The following HTR4 variants were observed in gnomAD, a reference collection of about 807,000 sequenced individuals.
The protein encoded by HTR4 is 5-hydroxytryptamine receptor 4, also known as 5-hydroxytryptamine (serotonin) receptor 4, G protein-coupled.
Under a neutral mutation model 36.8 loss-of-function variants are expected in HTR4, and 16 were observed. The ratio of observed to expected loss-of-function variants is 0.43; its 90% CI spans 0.29 to 0.66. The LOEUF (loss-of-function observed/expected upper bound fraction) is 0.66. HTR4 is among the 30% of genes least tolerant of loss of function. The pLI is 0.13. For synonymous variants in HTR4, 189 were observed against 185.1 expected, an observed-to-expected ratio of 1.02 and a Z score of -0.17; for missense variants, 438 against 490.9, an observed-to-expected ratio of 0.89 and a Z score of 1.02.
At chr5:148,616,174 C>G (rs1239630850) in intron 2 of HTR4, among the ~76,000 whole-genome samples, 1 of 152,150 alleles carries the variant, frequency 6.6e-6, no homozygotes, top group African/African-American at 2.4e-5. Context: ...AGGGTTAGTG[C>G]TTTTTGACAC....
At chr5:148,595,470 C>T (rs975276830) in intron 2 of HTR4, among the ~76,000 whole-genome samples, 6 of 152,100 alleles carry the variant, frequency 3.9e-5, no homozygotes, top group African/African-American at 7.2e-5. Flanking sequence ...CTCTTCTTGA[C>T]GAGACTGATA....
intron 5 of HTR4, among the ~76,000 whole-genome samples, chr5:148,468,011 G>T (rs1403692393): frequency 6.6e-6 from 1 of 152,222 alleles, no homozygotes; most frequent in African/African-American, 2.4e-5. Flanking sequence ...TAGAAGGTCA[G>T]TCTTCCCATT....
intron 4 of HTR4, among the ~76,000 whole-genome samples, chr5:148,526,592 T>C (rs1327906901): frequency 1.3e-5 from 2 of 152,176 alleles, no homozygotes; most frequent in Admixed American, 1.3e-4. Flanking sequence ...TATAGGACAC[T>C]GTTCACCACA....
chr5:148,630,877 A>T (rs888678003), intron 2 of HTR4, among the ~76,000 whole-genome samples: 1 of 152,174 alleles, frequency 6.6e-6, no homozygotes, highest in Non-Finnish European at 1.5e-5. Flanking sequence ...AAAGTAATAC[A>T]GCCAGTAAAT....
At chr5:148,572,671 C>T (rs1161458523) in intron 2 of HTR4, among the ~76,000 whole-genome samples, 1 of 152,076 alleles carries the variant, frequency 6.6e-6, no homozygotes, top group African/African-American at 2.4e-5. Context: ...TTGTAACTCC[C>T]AACAATTTCA....
chr5:148,641,806 G>C (rs144148171), intron 1 of HTR4, among the ~76,000 whole-genome samples: 5 of 152,210 alleles, frequency 3.3e-5, no homozygotes, highest in Admixed American at 6.5e-5. Context: ...CTTTACCCTC[G>C]TTTCTGATTC....
chr5:148,554,570 G>A (rs886641610), intron 2 of HTR4, among the ~76,000 whole-genome samples: 17 of 152,262 alleles, frequency 1.1e-4, no homozygotes, highest in African/African-American at 3.1e-4. Context: ...AGGTGAATGC[G>A]GAGTTATTAT....
At chr5:148,550,833 G>A (rs760251444) in intron 2 of HTR4, among the ~76,000 whole-genome samples, 27 of 152,132 alleles carry the variant, frequency 1.8e-4, no homozygotes, top group Admixed American at 5.2e-4. Context: ...CATGATCCAC[G>A]ATCCAATCAT....
At chr5:148,648,324 G>A (rs868711308) in intron 1 of HTR4, among the ~76,000 whole-genome samples, 5 of 152,130 alleles carry the variant, frequency 3.3e-5, no homozygotes, top group South Asian at 2.1e-4. Flanking sequence ...AGTTAGAGTC[G>A]TGCTAGGTGA....
intron 2 of HTR4, among the ~76,000 whole-genome samples, chr5:148,573,489 C>T (rs191656864): frequency 9.2e-5 from 14 of 152,032 alleles, no homozygotes; most frequent in African/African-American, 2.7e-4. Context: ...GGAAATAGAA[C>T]GTGGGGGGTT....
intron 2 of HTR4, among the ~76,000 whole-genome samples, chr5:148,562,710 C>T (rs1760268012): frequency 6.6e-6 from 1 of 152,176 alleles, no homozygotes; most frequent in Non-Finnish European, 1.5e-5. Flanking sequence ...AACCTCAAAC[C>T]TGCTTCCCAT....
Position 148,482,242 on chromosome 5 carries a change from T to C in HTR4, c.*961A>G. On this transcript the variant is annotated 3_prime_UTR_variant, in exon 7 of 7. Transcript: ENST00000377888. ...TTCCCCAGTGTGAACTTCCAACAGT[T>C]ATCTCCTTTGGCAGCAACAAAGCCA... 1 of 985,496 alleles carries C rather than the reference T, an allele frequency of 1.0e-6. No individual in the cohort carries two copies. Among genetic ancestry groups the C allele is most frequent in the Middle Eastern group, 5.2e-4 (1 of 1,916 alleles). 61.0% of individuals were successfully genotyped at this position (985,496 alleles called of 1,614,324 possible).
chr5:148,544,500 T>C (rs756562094), intron 4 of HTR4, among the ~76,000 whole-genome samples: 1 of 152,138 alleles, frequency 6.6e-6, no homozygotes, highest in Admixed American at 6.5e-5. Flanking sequence ...TTTCTCATGG[T>C]TTTCAATGGC....
chr5:148,592,585 T>C lies in HTR4; in HGVS notation c.27-42323A>G, dbSNP rs1761617214. 2.0e-5 allele frequency among the ~76,000 whole-genome samples: 3 copies of C among 152,130 alleles called. No homozygotes were observed. In the South Asian group the frequency reaches 6.2e-4, roughly 32 times the overall value. On this transcript the variant is annotated intron_variant, in intron 2 of 6. Coordinates refer to ENST00000377888, the MANE Select transcript of HTR4 (RefSeq NM_000870.7). The stretch of plus-strand genomic sequence containing the variant: ...TCTATGTCTTTGATATCATGCAGCT[T>C]CACCAATATTTTTATATATGAATTT...
chr5:148,490,176 T>C (rs963394091), intron 6 of HTR4, among the ~76,000 whole-genome samples: 1 of 148,144 alleles, frequency 6.8e-6, no homozygotes, highest in African/African-American at 2.5e-5. Context: ...CATATACATA[T>C]ATATGTATGT....
intron 4 of HTR4, among the ~76,000 whole-genome samples, chr5:148,536,833 G>A (rs1758846503): frequency 6.6e-6 from 1 of 152,096 alleles, no homozygotes; most frequent in Non-Finnish European, 1.5e-5. Context: ...AGATCACTGA[G>A]GCAGAAAATT....
intron 4 of HTR4, among the ~76,000 whole-genome samples, chr5:148,529,936 CT>C: frequency 6.6e-6 from 1 of 152,272 alleles, no homozygotes; most frequent in South Asian, 2.1e-4. Context: ...CATTTTACCC[CT>C]GCCTTAGAGA....
At chr5:148,501,298 T>C (rs2113753965) in intron 6 of HTR4, among the ~76,000 whole-genome samples, 1 of 152,338 alleles carries the variant, frequency 6.6e-6, no homozygotes, top group Admixed American at 6.5e-5. Context: ...GAGAAAAAGT[T>C]ATATTTCTAT....
chr5:148,475,147 C>T (rs1354447091), downstream of HTR4, among the ~76,000 whole-genome samples: 1 of 152,040 alleles, frequency 6.6e-6, no homozygotes, highest in Non-Finnish European at 1.5e-5. Flanking sequence ...CAATTATCTC[C>T]CTGGCAGTGT....
Sources: allele counts gnomAD v4.1 joint callset (sites outside exome capture counted in the v4.1 genomes callset), GRCh38; gene constraint gnomAD v4.1.1; transcripts MANE v1.5; gene names NCBI Gene and HGNC (gene_info 2026-07-23, HGNC 2026-07-21).